The following HIP1 variants were observed in gnomAD, a reference collection of about 807,000 sequenced individuals.
HIP1 encodes huntingtin interacting protein 1.
HIP1 carries 65 observed loss-of-function variants against 147.6 expected under a neutral mutation model. The ratio of observed to expected loss-of-function variants is 0.44; its 90% CI spans 0.36 to 0.54. The LOEUF is 0.54. Ranked by LOEUF, HIP1 falls within the 20% of genes least tolerant of loss-of-function variation. HIP1 has a pLI of 0.00. For synonymous variants in HIP1, 479 were observed against 504.0 expected (o/e 0.95, Z 0.67); for missense variants, 1,061 against 1,299.6 (o/e 0.82, Z 2.82).
chr7:75,706,623 A>ATTTTTTTTTT (rs71082342), intron 1 of HIP1, among the ~76,000 whole-genome samples: 4 of 103,642 alleles, frequency 3.9e-5, no homozygotes, highest in Non-Finnish European at 5.6e-5. Context: ...TCAACTCGTC[A>ATTTTTTTTTT]TTTTTTTTTT....
At chr7:75,693,305 C>G (rs1260131038) in intron 1 of HIP1, among the ~76,000 whole-genome samples, 5 of 152,018 alleles carry the variant, frequency 3.3e-5, no homozygotes, top group Non-Finnish European at 5.9e-5. Flanking sequence ...GTACACCTTC[C>G]TTTGTGCCAC....
intron 4 of HIP1, 26 bp from the exon 5 acceptor site, chr7:75,586,859 A>T: frequency 7.0e-7 from 1 of 1,420,104 alleles, no homozygotes; most frequent in Admixed American, 1.7e-5. Flanking sequence ...GGGGAAACAG[A>T]GTCAACAACA....
At chr7:75,617,561 T>C (rs1797712380) in intron 1 of HIP1, among the ~76,000 whole-genome samples, 2 of 152,128 alleles carry the variant, frequency 1.3e-5, no homozygotes, top group Non-Finnish European at 2.9e-5. Context: ...GGTCTCCTTT[T>C]CCCCGTATGC....
chr7:75,593,841 C>T lies in HIP1; in HGVS notation c.185-1327G>A, dbSNP rs587637990. Among the ~76,000 whole-genome samples the T allele has an allele frequency of 7.9e-5, 12 of 152,128 alleles. No homozygotes were observed. In the South Asian group the frequency reaches 1.7e-3, roughly 21 times the overall value. ...GTAAACCTCAACACCCCACTTCTTC[C>T]GTAAACCCACCTGGCCCTGTTCAGG... On this transcript the variant is annotated intron_variant, in intron 2 of 30. Transcript: ENST00000336926.
chr7:75,663,486 C>T (rs1434496934), intron 1 of HIP1, among the ~76,000 whole-genome samples: 2 of 151,942 alleles, frequency 1.3e-5, no homozygotes, highest in Non-Finnish European at 2.9e-5. Flanking sequence ...ACCCCTACAG[C>T]AGGCGAGGCG....
At chr7:75,705,991 A>G (rs1324700733) in intron 1 of HIP1, among the ~76,000 whole-genome samples, 2 of 151,660 alleles carry the variant, frequency 1.3e-5, no homozygotes, top group African/African-American at 2.4e-5. Flanking sequence ...TCCTGGGTTC[A>G]AGTGATTTTC....
intron 9 of HIP1, among the ~76,000 whole-genome samples, chr7:75,566,684 G>T (rs1795414514): frequency 6.6e-6 from 1 of 151,340 alleles, no homozygotes. Flanking sequence ...CCAGAGTCCA[G>T]TCTCCCATCC....
At chr7:75,700,895 CG>C (rs1800808319) in intron 1 of HIP1, among the ~76,000 whole-genome samples, 1 of 151,806 alleles carries the variant, frequency 6.6e-6, no homozygotes, top group Admixed American at 6.6e-5. Context: ...TTAGTAGAGA[CG>C]GGGTTTCACC....
At chr7:75,664,178 G>A (rs1799452760) in intron 1 of HIP1, among the ~76,000 whole-genome samples, 1 of 80,944 alleles carries the variant, frequency 1.2e-5, no homozygotes, top group Admixed American at 1.1e-4. Context: ...ATACATATAT[G>A]TACATACATA....
At chr7:75,688,189 A>G (rs1554517763) in intron 1 of HIP1, among the ~76,000 whole-genome samples, 1 of 152,104 alleles carries the variant, frequency 6.6e-6, no homozygotes, top group Non-Finnish European at 1.5e-5. Flanking sequence ...ACCTGCCCAC[A>G]CCACCAACAC....
At chr7:75,662,445 T>C (rs1228565799) in intron 1 of HIP1, among the ~76,000 whole-genome samples, 1 of 152,178 alleles carries the variant, frequency 6.6e-6, no homozygotes, top group Non-Finnish European at 1.5e-5. Flanking sequence ...CCCCCAGTGC[T>C]CAGACTACAA....
intron 1 of HIP1, among the ~76,000 whole-genome samples, chr7:75,725,938 C>T (rs1554522303): frequency 6.6e-6 from 1 of 151,872 alleles, no homozygotes; most frequent in Non-Finnish European, 1.5e-5. Flanking sequence ...TCTCCTGCCT[C>T]AGCCTCCCTG....
intron 1 of HIP1, among the ~76,000 whole-genome samples, chr7:75,624,567 C>T (rs976276921): frequency 1.3e-5 from 2 of 152,192 alleles, no homozygotes; most frequent in Non-Finnish European, 2.9e-5. Flanking sequence ...CTGGTGGCCA[C>T]AACGTCACTG....
intron 30 of HIP1, among the ~76,000 whole-genome samples, chr7:75,538,864 A>G (rs587745684): frequency 3.3e-5 from 5 of 151,958 alleles, no homozygotes; most frequent in East Asian, 1.9e-4. Flanking sequence ...GTGAGCCACC[A>G]CGCCCGGCCT....
chr7:75,682,828 CCCCACATTG>C (rs1800136200), intron 1 of HIP1, among the ~76,000 whole-genome samples: 2 of 152,264 alleles, frequency 1.3e-5, no homozygotes, highest in Non-Finnish European at 2.9e-5. Context: ...GCTAATGTGT[CCCCACATTG>C]CTGCGCTGGA....
At position 75,554,221 on chromosome 7, in the gene HIP1, C is replaced by A; in HGVS notation, c.2051-1G>T. 1 of 1,612,336 alleles carries A rather than the reference C, an allele frequency of 6.2e-7. No individual in the cohort carries two copies. Among genetic ancestry groups the A allele is most frequent in the Non-Finnish European group, 8.5e-7 (1 of 1,178,578 alleles). ...ATGGAATGGAGAAGTCCACTGATGT[C>A]TGCCAGGATTGGAAAGAGAAGTTTC... On this transcript the variant is annotated splice_acceptor_variant, in intron 20 of 30. Coordinates refer to ENST00000336926, the MANE Select transcript of HIP1 (RefSeq NM_005338.7). LOFTEE classifies it high-confidence loss of function.
At chr7:75,597,264 A>G (rs1310278636) in intron 2 of HIP1, among the ~76,000 whole-genome samples, 1 of 152,198 alleles carries the variant, frequency 6.6e-6, no homozygotes, top group African/African-American at 2.4e-5. Context: ...AGCAGTTCAT[A>G]TATCACACTA....
intron 1 of HIP1, among the ~76,000 whole-genome samples, chr7:75,635,683 C>A (rs1243182144): frequency 6.6e-6 from 1 of 151,414 alleles, no homozygotes; most frequent in Non-Finnish European, 1.5e-5. Flanking sequence ...TTATTATGTT[C>A]ATGATACAGA....
At chr7:75,563,506 A>T in intron 9 of HIP1, 1 of 523,528 alleles carries the variant, frequency 1.9e-6, no homozygotes, top group Non-Finnish European at 3.4e-6. Context: ...AGAGTAGATA[A>T]TCAAAAAGCT....
Sources: allele counts gnomAD v4.1 joint callset (sites outside exome capture counted in the v4.1 genomes callset), GRCh38; gene constraint gnomAD v4.1.1; transcripts MANE v1.5; gene names NCBI Gene and HGNC (gene_info 2026-07-23, HGNC 2026-07-21).